The following BHMT variants were observed in gnomAD, a reference collection of about 807,000 sequenced individuals.
BHMT encodes the protein betaine--homocysteine S-methyltransferase 1.
A neutral mutation model predicts 49.5 loss-of-function variants in BHMT; 38 were observed. The ratio of observed to expected loss-of-function variants is 0.77; its 90% confidence interval spans 0.59 to 1.01. BHMT has a LOEUF of 1.01. BHMT is among the 50% of genes least tolerant of loss of function. The probability of loss-of-function intolerance (pLI) is 0.00; values close to 1 mark genes in which losing one functional copy is unlikely to be tolerated. For synonymous variants in BHMT, 166 were observed against 176.3 expected (o/e 0.94, Z 0.46); for missense variants, 426 against 495.7 (o/e 0.86, Z 1.34).
chr5:79,115,116 C>A (rs957866738), intron 1 of BHMT, among the ~76,000 whole-genome samples: 1 of 152,038 alleles, frequency 6.6e-6, no homozygotes, highest in African/African-American at 2.4e-5. Flanking sequence ...TGAATTTTAA[C>A]ACCAAAGATA....
At chr5:79,115,515 T>C (rs1053744000) in intron 1 of BHMT, among the ~76,000 whole-genome samples, 24 of 152,094 alleles carry the variant, frequency 1.6e-4, no homozygotes, top group African/African-American at 5.8e-4. Context: ...GTTCTTCAAA[T>C]ACTCTTTAAC....
chr5:79,126,191 C>T lies in BHMT; in HGVS notation c.771C>T (p.Asn257=), dbSNP rs1033226753. ...QPLAYHTPDC[N]KQGFIDLPEF... ...TGGCTTACCACACTCCTGACTGCAA[C>T]AAGCAGGGATTCATCGATCTCCCAG... Residue 257 remains asparagine (N), a synonymous_variant, in exon 6 of 8, where the codon AAC becomes AAT. Coordinates refer to ENST00000274353, the MANE Select transcript of BHMT (RefSeq NM_001713.3). The T allele has an allele frequency of 1.9e-6, 3 of 1,613,816 alleles. No homozygotes were observed. The highest frequency in any genetic ancestry group is 1.7e-6 in the Non-Finnish European group (2 of 1,179,758).
Position 79,131,140 on chromosome 5 carries a change from G to T in BHMT, c.*24G>T. 6 of 1,592,492 alleles carry T rather than the reference G, an allele frequency of 3.8e-6. No individual in the cohort carries two copies. Among genetic ancestry groups the T allele is most frequent in the Non-Finnish European group, 5.1e-6 (6 of 1,168,968 alleles). ...AGCCTCGATAGAAGCTATTTTTGAT[G>T]AATTTCTAGGTGTTTGGGTCACAGT... On this transcript the variant is annotated 3_prime_UTR_variant, in exon 8 of 8. Transcript: ENST00000274353.
intron 7 of BHMT, chr5:79,128,245 G>A: frequency 2.4e-6 from 1 of 418,200 alleles, no homozygotes; most frequent in South Asian, 3.1e-5. Flanking sequence ...TATAGGCTGG[G>A]TGCGGTGGCT....
chr5:79,125,798 C>T (rs898902181), intron 5 of BHMT, among the ~76,000 whole-genome samples: 1 of 152,016 alleles, frequency 6.6e-6, no homozygotes, highest in Non-Finnish European at 1.5e-5. Flanking sequence ...CAAAAATTAG[C>T]CAGACGTGGT....
chr5:79,125,960 C>CTTCCTGA (rs1268411217), intron 5 of BHMT, 86 bp from the exon 6 acceptor site: 4 of 1,385,392 alleles, frequency 2.9e-6, no homozygotes, highest in Non-Finnish European at 2.0e-6. Context: ...GAAAAAAGAA[C>CTTCCTGA]TTCCTGATTC....
rs1275250053 is a variant in BHMT, at chr5:79,124,517, GGA to G, written c.626-1523_626-1522del. On this transcript the variant is annotated intron_variant, in intron 5 of 7. Coordinates refer to ENST00000274353, the MANE Select transcript of BHMT (RefSeq NM_001713.3). ...TTTGGGAATTCCTCCCACTTTGAGA[GGA>G]GAGAGTAAAAGAATTATAATGTCAT... Among the ~76,000 whole-genome samples the G allele has an allele frequency of 3.4e-5, 5 of 147,364 alleles. No individual in the cohort carries two copies. The East Asian group carries it at 9.6e-4, about 28-fold the overall frequency.
intron 1 of BHMT, among the ~76,000 whole-genome samples, chr5:79,114,541 T>A (rs1233679532): frequency 6.6e-6 from 1 of 152,186 alleles, no homozygotes; most frequent in African/African-American, 2.4e-5. Context: ...GGAATCTTGT[T>A]ATTATGTCAG....
intron 7 of BHMT, among the ~76,000 whole-genome samples, chr5:79,129,807 T>C (rs1354817827): frequency 3.9e-5 from 6 of 152,018 alleles, no homozygotes; most frequent in Admixed American, 3.3e-4. Flanking sequence ...GAAGGACAGG[T>C]AGTGTAAGTG....
rs1308486898 is a variant in BHMT at position 79,132,004 on chromosome 5, G to C, written c.*888G>C. ...CCATAAGGCTGAGCAGAGTGAGCTT[G>C]TATTAGTTGGTAGCTTTTAAAAAAT... On this transcript the variant is annotated 3_prime_UTR_variant, in exon 8 of 8. Coordinates refer to ENST00000274353, the MANE Select transcript of BHMT (RefSeq NM_001713.3). 5 of 152,202 alleles carry C rather than the reference G, an allele frequency of 3.3e-5. No homozygotes were observed. The highest frequency in any genetic ancestry group is 1.2e-4 in the African/African-American group (5 of 41,456). The allele number at this position is 152,202 out of a possible 1,614,324, so 9.4% of individuals were successfully genotyped here. A position where few individuals can be genotyped will look rare whatever the true frequency, so the allele number is the denominator to read the frequency against.
Position 79,115,788 on chromosome 5 carries a change from G to A in BHMT, c.55G>A (p.Ala19Thr), listed in dbSNP as rs772543723. 27 of 1,613,270 alleles carry A rather than the reference G, an allele frequency of 1.7e-5. No individual in the cohort carries two copies. The East Asian group carries it at 5.6e-4, about 33-fold the overall frequency. The change falls in exon 2 of 8, where the codon GCT (alanine) becomes ACT (threonine). Residue 19 changes from alanine (A) to threonine (T), a missense_variant. This residue lies in a region of BHMT where 321 missense variants were observed against 355.9 expected (regional missense o/e 0.90). Transcript: ENST00000274353. ...AKKGILERLN[A>T]GEIVIGDGGF... ...TTAGGGCATCCTAGAACGTTTAAAT[G>A]CTGGAGAGATTGTGATTGGAGATGG...
intron 3 of BHMT, among the ~76,000 whole-genome samples, chr5:79,119,780 C>T (rs1464223789): frequency 3.9e-5 from 6 of 152,152 alleles, no homozygotes; most frequent in Admixed American, 2.0e-4. Flanking sequence ...GTTGAACCAA[C>T]CCCTTTACCC....
intron 1 of BHMT, among the ~76,000 whole-genome samples, chr5:79,112,495 G>T (rs1043102819): frequency 6.6e-6 from 1 of 152,216 alleles, no homozygotes; most frequent in African/African-American, 2.4e-5. Flanking sequence ...TGCACCGCGG[G>T]TGTCGGGGCC....
At chr5:79,117,625 T>G (rs1044119357) in intron 2 of BHMT, among the ~76,000 whole-genome samples, 1 of 152,224 alleles carries the variant, frequency 6.6e-6, no homozygotes, top group African/African-American at 2.4e-5. Context: ...TTCCAGTTAC[T>G]CTACTCTACT....
Position 79,114,665 on chromosome 5 carries a change from C to T in BHMT, c.34-1102C>T, listed in dbSNP as rs146880034. On this transcript the variant is annotated intron_variant, in intron 1 of 7. Transcript: ENST00000274353. Reference sequence around the variant, plus strand: ...TCAGGGCTGTCCCACCACCCCCAATCCCATTTGAAATCAAATATAGATGTT... The same window carrying T: ...TCAGGGCTGTCCCACCACCCCCAATTCCATTTGAAATCAAATATAGATGTT... Among the ~76,000 whole-genome samples the T allele has an allele frequency of 5.5e-3, 840 of 152,262 alleles. 5 individuals carry two copies. Among genetic ancestry groups the T allele is most frequent in the African/African-American group, 0.01 (432 of 41,540 alleles).
Position 79,121,259 on chromosome 5 carries a change from C to T in BHMT, c.519C>T (p.Thr173=). The stretch of plus-strand genomic sequence containing the variant: ...AAGAAGCTGTGTGGGCAGTTGAAAC[C>T]TTGATAGCATCCGGTAAACCTGTGG... ...HVEEAVWAVE[T]LIASGKPVAA... is the part of the protein sequence containing the mutation. Residue 173 remains threonine (T), a synonymous_variant, in exon 5 of 8, where the codon ACC becomes ACT. Transcript: ENST00000274353. The T allele has an allele frequency of 6.2e-7, 1 of 1,614,140 alleles. No individual in the cohort carries two copies.
At position 79,123,527 on chromosome 5, in the gene BHMT, GGTTGGTTGGTTGGTTGGTTC is replaced by G. The variant is rs1293844495; in HGVS notation, c.625+2182_625+2201del. 2.0e-3 allele frequency among the ~76,000 whole-genome samples: 153 copies of G among 76,556 alleles called. 1 individual carries two copies. The highest frequency in any genetic ancestry group is 5.3e-3 in the African/African-American group (142 of 26,564). The allele number at this position is 76,556 out of a possible 152,430, so 50.2% of individuals were successfully genotyped here. On this transcript the variant is annotated intron_variant, in intron 5 of 7. Coordinates refer to ENST00000274353, the MANE Select transcript of BHMT (RefSeq NM_001713.3). Reference sequence around the variant, plus strand: ...CCAAAAAAGTCCTTTTTGGTTGGTTGGTTGGTTGGTTGGTTGGTTCGTTGGTTGGTTGGTTGGTTTTGAGA... The same window carrying G: ...CCAAAAAAGTCCTTTTTGGTTGGTTGGTTGGTTGGTTGGTTGGTTTTGAGA...
chr5:79,128,190 A>C, intron 7 of BHMT: 1 of 758,278 alleles, frequency 1.3e-6, no homozygotes, highest in Non-Finnish European at 2.0e-6. Flanking sequence ...CTGATTTTGG[A>C]TTTTGAAAAG....
chr5:79,118,469 A>AAAACAAACAAAC (rs199901742), intron 2 of BHMT, among the ~76,000 whole-genome samples: 25 of 152,140 alleles, frequency 1.6e-4, no homozygotes, highest in African/African-American at 6.0e-4. Context: ...TCCATCTCAA[A>AAAACAAACAAAC]AAACAAACAA....
Sources: gnomAD v4.1 joint callset for allele counts (sites outside exome capture counted in the v4.1 genomes callset) on GRCh38, gnomAD v4.1.1 for gene constraint, gnomAD v4.1.1 regional missense constraint, MANE v1.5 for transcripts, NCBI Gene and HGNC (gene_info 2026-07-23, HGNC 2026-07-21) for gene names.